The following CKAP2L variants were observed in gnomAD, a reference collection of about 807,000 sequenced individuals.
CKAP2L encodes cytoskeleton-associated protein 2-like.
In CKAP2L, 42 loss-of-function variants were observed where a neutral mutation model predicts 65.7. The observed-to-expected ratio is 0.64, with a 90% CI of 0.50 to 0.83. The LOEUF (loss-of-function observed/expected upper bound fraction) is 0.83, where lower values mean the gene tolerates loss of function less well. Among genes scored for constraint, CKAP2L ranks in the 40% least tolerant of loss-of-function variants. The pLI is 0.00. For missense variants in CKAP2L, 908 were observed against 871.0 expected (o/e 1.04, Z -0.53); for synonymous variants, 325 against 313.5 (o/e 1.04, Z -0.39).
intron 5 of CKAP2L, among the ~76,000 whole-genome samples, chr2:112,751,707 T>C (rs1680377843): frequency 6.6e-6 from 1 of 152,192 alleles, no homozygotes; most frequent in Non-Finnish European, 1.5e-5. Flanking sequence ...TAGGCAAGGA[T>C]CTTAGAAGTT....
rs6542088 is a variant in CKAP2L, at chr2:112,746,253, C to T, written c.1758+167G>A. On this transcript the variant is annotated intron_variant, in intron 6 of 8. Transcript: ENST00000302450. ...GCTCTGAATTATTGATTTAAGGATG[C>T]TGACGTATTGGGTTTAATATATTTT... is the stretch of plus-strand genomic sequence containing the variant. Among the ~76,000 whole-genome samples the T allele has an allele frequency of 0.95, 144,682 of 152,288 alleles. 68,747 individuals are homozygous for T. The highest frequency in any genetic ancestry group is 1 in the East Asian group (5,191 of 5,192).
rs768785961 is a variant in CKAP2L, at chr2:112,756,141, G to A, written c.1230C>T (p.Gly410=). ...GTSGNKHNNN[G]FQQKAQTLDS... is the part of the protein sequence containing the mutation. ...CCAAAGTCTGTGCTTTTTGCTGAAA[G>A]CCATTATTGTTATGTTTATTACCAC... The change falls in exon 4 of 9, where the codon GGC becomes GGT. Residue 410 remains glycine (G), a synonymous_variant. Coordinates refer to ENST00000302450, the MANE Select transcript of CKAP2L (RefSeq NM_152515.5). The A allele has an allele frequency of 1.2e-5, 20 of 1,613,934 alleles. No individual in the cohort carries two copies. Among genetic ancestry groups the A allele is most frequent in the African/African-American group, 2.7e-5 (2 of 74,912 alleles).
At position 112,743,389 on chromosome 2, in the gene CKAP2L, G is replaced by T. The variant is rs186508925; in HGVS notation, c.1759-620C>A. Among the ~76,000 whole-genome samples, 269 of 152,084 alleles carry T rather than the reference G, an allele frequency of 1.8e-3. 3 individuals are homozygous for T. Among genetic ancestry groups the T allele is most frequent in the East Asian group, 7.9e-3 (41 of 5,170 alleles). On this transcript the variant is annotated intron_variant, in intron 6 of 8. Coordinates refer to ENST00000302450, the MANE Select transcript of CKAP2L (RefSeq NM_152515.5). ...GATCTCCTGACATCGTGATCCACCCGCCTCGGCCTCCCAAACTGCTGGGAT... is the reference window on the plus strand; with the variant it reads ...GATCTCCTGACATCGTGATCCACCCTCCTCGGCCTCCCAAACTGCTGGGAT...
At position 112,738,770 on chromosome 2, in the gene CKAP2L, T is replaced by C. The variant is rs1679586501; in HGVS notation, c.*53A>G. The C allele has an allele frequency of 7.3e-6, 9 of 1,230,754 alleles. No individual in the cohort carries two copies. In the Admixed American group the frequency reaches 1.6e-4, roughly 22 times the overall value. The allele number at this position is 1,230,754 out of a possible 1,614,324, so 76.2% of individuals were successfully genotyped here. On this transcript the variant is annotated 3_prime_UTR_variant, in exon 9 of 9. Coordinates refer to ENST00000302450, the MANE Select transcript of CKAP2L (RefSeq NM_152515.5). Reference sequence around the variant, plus strand: ...TTCCAGGTCACTTGGACAAGAATATTTCTTGTCTTATGTTGGTTCTGAAAC... The same window carrying C: ...TTCCAGGTCACTTGGACAAGAATATCTCTTGTCTTATGTTGGTTCTGAAAC...
intron 6 of CKAP2L, among the ~76,000 whole-genome samples, chr2:112,744,319 T>G (rs1680129824): frequency 6.6e-6 from 1 of 152,170 alleles, no homozygotes; most frequent in Non-Finnish European, 1.5e-5. Context: ...AGGTAAACAA[T>G]TTGATCTACT....
At chr2:112,760,550 A>G (rs965258191) in intron 3 of CKAP2L, among the ~76,000 whole-genome samples, 163 bp downstream of exon 3, 1 of 152,232 alleles carries the variant, frequency 6.6e-6, no homozygotes, top group Non-Finnish European at 1.5e-5. Context: ...AAAAAATGTC[A>G]TACTTTTCAA....
Position 112,756,329 on chromosome 2 carries a change from G to T in CKAP2L, c.1042C>A (p.His348Asn), listed in dbSNP as rs778079829. The change falls in exon 4 of 9, where the codon CAT (histidine) becomes AAT (asparagine). Residue 348 changes from histidine (H) to asparagine (N), a missense_variant. Transcript: ENST00000302450. ...TTCTGATCTTGCTTGATGTTTGGAT[G>T]TCTGTTGTTATATTCACCCTGAAGC... ...SLLQGEYNNRHPNIKQDQKSS... is the reference protein window; with the variant it reads ...SLLQGEYNNRNPNIKQDQKSS... The T allele has an allele frequency of 6.2e-7, 1 of 1,613,610 alleles. No individual in the cohort carries two copies. The highest frequency in any genetic ancestry group is 1.3e-5 in the African/African-American group (1 of 74,900).
rs900259660 is a variant in CKAP2L at position 112,755,837 on chromosome 2, T to C, written c.1394+140A>G. The C allele has an allele frequency of 5.2e-6, 4 of 770,486 alleles. No individual in the cohort carries two copies. In the African/African-American group the frequency reaches 7.0e-5, roughly 13 times the overall value. The allele number at this position is 770,486 out of a possible 1,614,324, so 47.7% of individuals were successfully genotyped here. A position where few individuals can be genotyped will look rare whatever the true frequency, so the allele number is the denominator to read the frequency against. ...GTCAAGTCTTAATATTTGTTATATTTGCTTCAAATCTTTTTTCAGACTGTA... is the reference window on the plus strand; with the variant it reads ...GTCAAGTCTTAATATTTGTTATATTCGCTTCAAATCTTTTTTCAGACTGTA... On this transcript the variant is annotated intron_variant, in intron 4 of 8. Transcript: ENST00000302450.
chr2:112,741,090 C>T (rs1679917637), intron 7 of CKAP2L, 83 bp from the exon 8 acceptor site: 2 of 877,304 alleles, frequency 2.3e-6, no homozygotes, highest in Non-Finnish European at 3.6e-6. Context: ...AAAATACATA[C>T]ATACAATGAT....
At chr2:112,750,716 T>C (rs1680347432) in intron 5 of CKAP2L, among the ~76,000 whole-genome samples, 1 of 152,162 alleles carries the variant, frequency 6.6e-6, no homozygotes, top group East Asian at 1.9e-4. Flanking sequence ...ATAAAGAGTA[T>C]TACTTAGTCA....
rs1181602768 is a variant in CKAP2L, at chr2:112,756,757, G to C, written c.614C>G (p.Thr205Ser). 4 of 1,601,916 alleles carry C rather than the reference G, an allele frequency of 2.5e-6. No individual in the cohort carries two copies. Among genetic ancestry groups the C allele is most frequent in the Non-Finnish European group, 3.4e-6 (4 of 1,176,384 alleles). ...AGAGTCAGTCTTTGGCTTACTTCTG[G>C]TATATAATTTAGGATCTGGCTTCCT... The part of the protein sequence containing the change: ...PERKPDPKLY[T>S]RSKPKTDSYN... Residue 205 changes from threonine to serine, a missense_variant, in exon 4 of 9, where the codon ACC (threonine) becomes AGC (serine). By Grantham distance (58) the Thr-to-Ser change is moderately conservative. Coordinates refer to ENST00000302450, the MANE Select transcript of CKAP2L (RefSeq NM_152515.5).
In CKAP2L at chr2:112,758,572, T is replaced by C. The variant is rs889714492; in HGVS notation, c.157-1358A>G. ...TGGGAGTGGGAGGCAGAGAGATGGA[T>C]GGTATACCCACAATGGCTATATCTG... On this transcript the variant is annotated intron_variant, in intron 3 of 8. Coordinates refer to ENST00000302450, the MANE Select transcript of CKAP2L (RefSeq NM_152515.5). Among the ~76,000 whole-genome samples, 13 of 152,284 alleles carry C rather than the reference T, an allele frequency of 8.5e-5. 1 individual carries two copies. Among genetic ancestry groups the C allele is most frequent in the African/African-American group, 2.6e-4 (11 of 41,558 alleles).
chr2:112,746,376 G>A (rs1335562158), intron 6 of CKAP2L, 44 bp downstream of exon 6: 1 of 1,521,196 alleles, frequency 6.6e-7, no homozygotes. Flanking sequence ...GAACTCACAT[G>A]AAAGAGAATT....
Position 112,738,725 on chromosome 2 carries a change from T to C in CKAP2L, c.*98A>G. 1 of 764,352 alleles carries C rather than the reference T, an allele frequency of 1.3e-6. No individual in the cohort carries two copies. The highest frequency in any genetic ancestry group is 2.2e-6 in the Non-Finnish European group (1 of 455,704). The allele number at this position is 764,352 out of a possible 1,614,324, so 47.3% of individuals were successfully genotyped here. On this transcript the variant is annotated 3_prime_UTR_variant, in exon 9 of 9. Coordinates refer to ENST00000302450, the MANE Select transcript of CKAP2L (RefSeq NM_152515.5). ...AAGTCCTGAGCGTCCATAATCTGCA[T>C]CCATGATGCCTCTCTTTTTTTCCAG... is the stretch of plus-strand genomic sequence containing the variant.
At chr2:112,757,283 G>A in intron 3 of CKAP2L, 69 bp from the exon 4 acceptor site, 1 of 1,074,458 alleles carries the variant, frequency 9.3e-7, no homozygotes. Flanking sequence ...AATAATAACT[G>A]TGTTTAACAC....
At chr2:112,762,753 C>T (rs1680764877) in intron 1 of CKAP2L, among the ~76,000 whole-genome samples, 184 bp from the exon 2 acceptor site, 1 of 151,998 alleles carries the variant, frequency 6.6e-6, no homozygotes, top group East Asian at 1.9e-4. Flanking sequence ...CATTTATATG[C>T]CAGGCCTACA....
chr2:112,744,608 A>G (rs1680142170), intron 6 of CKAP2L, among the ~76,000 whole-genome samples: 1 of 152,192 alleles, frequency 6.6e-6, no homozygotes, highest in Non-Finnish European at 1.5e-5. Context: ...GGAGATAAGC[A>G]AAAGTTTCTA....
rs749306162 is a variant in CKAP2L at position 112,756,811 on chromosome 2, T to C, written c.560A>G (p.Asn187Ser). The C allele has an allele frequency of 1.2e-6, 2 of 1,602,010 alleles. No homozygotes were observed. Among genetic ancestry groups the C allele is most frequent in the Non-Finnish European group, 1.7e-6 (2 of 1,176,654 alleles). ...AGGTTCTGTTAAGATATCGAGCAAGTTCTCTTTGTTTGTTTCTTTTAGAAA... is the reference window on the plus strand; with the variant it reads ...AGGTTCTGTTAAGATATCGAGCAAGCTCTCTTTGTTTGTTTCTTTTAGAAA... Reference protein sequence around the residue: ...DNFLKETNKENLLDILTEPER... With the variant: ...DNFLKETNKESLLDILTEPER... The change falls in exon 4 of 9, where the codon AAC (asparagine) becomes AGC (serine). Residue 187 changes from asparagine (N) to serine (S), a missense_variant. Transcript: ENST00000302450.
Position 112,740,912 on chromosome 2 carries a change from TTGGAGAAAG to T in CKAP2L, c.1909_1917del (p.Leu637_Pro639del). ...GTCGCCGTGACTTGTTCCCTCTCTT[TTGGAGAAAG>T]ACAAGACTTCACAGATTCCATCTTC... On this transcript the variant is annotated inframe_deletion, in exon 8 of 9. Transcript: ENST00000302450. The T allele has an allele frequency of 3.1e-6, 5 of 1,614,076 alleles. 1 individual carries two copies. In the South Asian group the frequency reaches 5.5e-5, roughly 18 times the overall value.
Sources: allele counts gnomAD v4.1 joint callset (sites outside exome capture counted in the v4.1 genomes callset), GRCh38; gene constraint gnomAD v4.1.1; transcripts MANE v1.5; gene names NCBI Gene and HGNC (gene_info 2026-07-23, HGNC 2026-07-21).